ATP6V1E1: variants seen among roughly 807,000 people sequenced by gnomAD.
ATP6V1E1 encodes ATPase H+ transporting V1 subunit E1, also known as V-type proton ATPase subunit E 1.
In ATP6V1E1, 21 loss-of-function variants were observed where a neutral mutation model predicts 35.2. That is an observed-to-expected ratio of 0.60 (90% CI 0.42 to 0.86). ATP6V1E1 has a LOEUF of 0.86. Ranked by LOEUF, ATP6V1E1 falls within the 40% of genes least tolerant of loss-of-function variation. The pLI, the probability that ATP6V1E1 is intolerant of heterozygous loss-of-function variation, is 0.00. For synonymous variants in ATP6V1E1, 83 were observed against 87.8 expected (o/e 0.95, Z 0.30); for missense variants, 183 against 272.6 (o/e 0.67, Z 2.32).
At chr22:17,614,954 C>CAA (rs59961282) in intron 2 of ATP6V1E1, among the ~76,000 whole-genome samples, 86 of 138,084 alleles carry the variant, frequency 6.2e-4, no homozygotes, top group African/African-American at 1.1e-3. Flanking sequence ...GACACCGTTT[C>CAA]AAAAAAAAAA....
At chr22:17,608,602 A>T (rs1272996487) in intron 4 of ATP6V1E1, among the ~76,000 whole-genome samples, 1 of 140,372 alleles carries the variant, frequency 7.1e-6, no homozygotes, top group Non-Finnish European at 1.6e-5. Context: ...ATTTTTAAAA[A>T]TTTTTTGTAC....
Position 17,614,968 on chromosome 22 carries a change from ATT to A in ATP6V1E1, c.100-1650_100-1649del, listed in dbSNP as rs986633624. Among the ~76,000 whole-genome samples, 500 of 150,840 alleles carry A rather than the reference ATT, an allele frequency of 3.3e-3. 2 individuals carry two copies. The highest frequency in any genetic ancestry group is 0.011 in the African/African-American group (465 of 41,028). On this transcript the variant is annotated intron_variant, in intron 2 of 8. Coordinates refer to ENST00000253413, the MANE Select transcript of ATP6V1E1 (RefSeq NM_001696.4). ...AGACACCGTTTCAAAAAAAAAAAAA[ATT>A]TTTTTTCCCTCATGGGTAAGTGTCG... is the stretch of plus-strand genomic sequence containing the variant.
chr22:17,605,516 G>A (rs1228810254), intron 4 of ATP6V1E1, among the ~76,000 whole-genome samples: 5 of 152,032 alleles, frequency 3.3e-5, no homozygotes, highest in Non-Finnish European at 4.4e-5. Flanking sequence ...GGCAACAAGA[G>A]CGAAACTCCG....
At position 17,619,502 on chromosome 22, in the gene ATP6V1E1, C is replaced by T. The variant is rs1226456362; in HGVS notation, c.58G>A (p.Glu20Lys). The T allele has an allele frequency of 1.9e-6, 3 of 1,603,444 alleles. No homozygotes were observed. Among genetic ancestry groups the T allele is most frequent in the Non-Finnish European group, 2.6e-6 (3 of 1,175,864 alleles). Residue 20 changes from glutamate to lysine, a missense_variant, in exon 2 of 9, where the codon GAA becomes AAA. Coordinates refer to ENST00000253413, the MANE Select transcript of ATP6V1E1 (RefSeq NM_001696.4). ...KQIKHMMAFI[E>K]QEANEKAEEI... ...TCTGCTTTCTCATTGGCTTCTTGTT[C>T]AATGAAAGCCATCATATGCTTTATC...
chr22:17,608,058 ACTAATACTTCAAGTCATGCTCAAACAG>A (rs1431856510), intron 4 of ATP6V1E1, among the ~76,000 whole-genome samples: 1 of 152,110 alleles, frequency 6.6e-6, no homozygotes, highest in African/African-American at 2.4e-5. Flanking sequence ...CTATCCCATG[ACTAATACTTCAAGTCATGCTCAAACAG>A]CTGTAGTGGA....
At chr22:17,609,041 C>T (rs962934163) in intron 4 of ATP6V1E1, among the ~76,000 whole-genome samples, 11 of 151,928 alleles carry the variant, frequency 7.2e-5, no homozygotes, top group African/African-American at 2.2e-4. Context: ...GAGCTGATAT[C>T]GCGCCACTGC....
At chr22:17,621,452 C>A (rs1393732223) in intron 1 of ATP6V1E1, among the ~76,000 whole-genome samples, 1 of 152,116 alleles carries the variant, frequency 6.6e-6, no homozygotes, top group East Asian at 1.9e-4. Context: ...CGTGTCACCA[C>A]GTCCAGCTTA....
chr22:17,623,766 G>T (rs1186724313), intron 1 of ATP6V1E1, among the ~76,000 whole-genome samples: 1 of 152,060 alleles, frequency 6.6e-6, no homozygotes, highest in East Asian at 1.9e-4. Context: ...TGGATTATCT[G>T]CCTTTAGCAC....
Position 17,598,279 on chromosome 22 carries a change from G to A in ATP6V1E1, c.445C>T (p.Gln149Ter). Reference protein sequence around the residue: ...QDFPLVKAAVQKAIPMYKIAT... With the variant: ...QDFPLVKAAV ...ATTTTGTACATAGGAATTGCCTTCTGCACTGCAGCCTGGAAGTATAGAACA... is the reference window on the plus strand; with the variant it reads ...ATTTTGTACATAGGAATTGCCTTCTACACTGCAGCCTGGAAGTATAGAACA... The change falls in exon 7 of 9, where the codon CAG (glutamine) becomes TAG (stop). Residue 149 changes from glutamine to a stop codon, truncating the protein, a stop_gained. Transcript: ENST00000253413. LOFTEE classifies it high-confidence loss of function. 1 of 1,613,332 alleles carries A rather than the reference G, an allele frequency of 6.2e-7. No individual in the cohort carries two copies. Among genetic ancestry groups the A allele is most frequent in the Non-Finnish European group, 8.5e-7 (1 of 1,179,278 alleles).
In ATP6V1E1 at chr22:17,619,535, A is replaced by G. The variant is rs1016676530; in HGVS notation, c.34-9T>C. The G allele has an allele frequency of 3.1e-5, 48 of 1,566,736 alleles. No individual in the cohort carries two copies. The highest frequency in any genetic ancestry group is 4.1e-5 in the Non-Finnish European group (47 of 1,160,106). The stretch of plus-strand genomic sequence containing the variant: ...GCCATCATATGCTTTATCTATAAGG[A>G]AAAAAAGTTTTATTTTTTAGTTCAA... On this transcript the variant is annotated splice_polypyrimidine_tract_variant and intron_variant, in intron 1 of 8. Coordinates refer to ENST00000253413, the MANE Select transcript of ATP6V1E1 (RefSeq NM_001696.4).
intron 2 of ATP6V1E1, among the ~76,000 whole-genome samples, chr22:17,617,844 C>T (rs2057854609): frequency 6.6e-6 from 1 of 152,184 alleles, no homozygotes; most frequent in Non-Finnish European, 1.5e-5. Context: ...AGGTCTCACT[C>T]TGTCGTCCAG....
At chr22:17,619,437 T>C in intron 2 of ATP6V1E1, 24 bp downstream of exon 2, 2 of 1,582,584 alleles carry the variant, frequency 1.3e-6, no homozygotes, top group South Asian at 2.3e-5. Flanking sequence ...TGATAACTTC[T>C]TAAAACTAGA....
chr22:17,595,451 C>T (rs2057726957), intron 7 of ATP6V1E1, among the ~76,000 whole-genome samples: 1 of 152,220 alleles, frequency 6.6e-6, no homozygotes, highest in Non-Finnish European at 1.5e-5. Context: ...GCAAATCACT[C>T]AATCCTCATC....
intron 3 of ATP6V1E1, 160 bp downstream of exon 3, chr22:17,613,051 C>A: frequency 3.3e-6 from 3 of 897,064 alleles, no homozygotes; most frequent in Non-Finnish European, 5.2e-6. Context: ...TCCTGTCAGG[C>A]TTTAATTTTC....
intron 2 of ATP6V1E1, among the ~76,000 whole-genome samples, chr22:17,615,977 T>A (rs9604773): frequency 0.35 from 52,484 of 148,630 alleles, 9,395 homozygotes; most frequent in Middle Eastern, 0.41. Context: ...GGTTGCGGTG[T>A]GCTGAGATCG....
At chr22:17,612,975 TC>T in intron 3 of ATP6V1E1, 97 bp from the exon 4 acceptor site, 1 of 1,184,884 alleles carries the variant, frequency 8.4e-7, no homozygotes, top group South Asian at 1.4e-5. Context: ...TCCCTTGGCC[TC>T]CCCAAAGCAC....
chr22:17,597,193 G>T (rs1214051332), intron 7 of ATP6V1E1, among the ~76,000 whole-genome samples: 1 of 150,966 alleles, frequency 6.6e-6, no homozygotes, highest in Non-Finnish European at 1.5e-5. Context: ...AGTGAGCCAA[G>T]ATCATGCCAC....
intron 4 of ATP6V1E1, among the ~76,000 whole-genome samples, chr22:17,606,375 CA>C (rs5844319): frequency 0.35 from 52,751 of 151,904 alleles, 9,471 homozygotes; most frequent in African/African-American, 0.41. Context: ...TGCTTTTATG[CA>C]GATTGAATCC....
At chr22:17,602,390 TC>T (rs67881215) in intron 4 of ATP6V1E1, among the ~76,000 whole-genome samples, 14,105 of 151,682 alleles carry the variant, frequency 0.093, 705 homozygotes, top group African/African-American at 0.12. Context: ...CTTTTTTTTT[TC>T]TTTGAGACAG....
Sources: gnomAD v4.1 joint callset for allele counts (sites outside exome capture counted in the v4.1 genomes callset) on GRCh38, gnomAD v4.1.1 for gene constraint, MANE v1.5 for transcripts, NCBI Gene and HGNC (gene_info 2026-07-23, HGNC 2026-07-21) for gene names.